The following MDFI variants were observed in gnomAD, a reference collection of about 807,000 sequenced individuals.
MDFI encodes the protein inhibitor of MyoD family a.
Under a neutral mutation model 22.3 loss-of-function variants are expected in MDFI, and 16 were observed. The ratio of observed to expected loss-of-function variants is 0.72; its 90% CI spans 0.49 to 1.09. The LOEUF (loss-of-function observed/expected upper bound fraction) is 1.09, where lower values mean the gene tolerates loss of function less well. Ranked by LOEUF, MDFI falls within the 50% of genes least tolerant of loss-of-function variation. MDFI has a pLI of 0.00. For missense variants in MDFI, 314 were observed against 326.1 expected, an observed-to-expected ratio of 0.96 and a Z score of 0.29; for synonymous variants, 145 against 142.7, an observed-to-expected ratio of 1.02 and a Z score of -0.12.
rs1767873402 is a variant in MDFI, at chr6:41,642,114, G to A, written c.76+3289G>A. 2.6e-5 allele frequency among the ~76,000 whole-genome samples: 4 copies of A among 152,320 alleles called. No homozygotes were observed. In the South Asian group the frequency reaches 8.3e-4, roughly 32 times the overall value. Reference sequence around the variant, plus strand: ...CCTTTGTAGATAGCCACCCTTGAGAGGAGGAGTACAGGGCTGGGGGCTTCT... The same window carrying A: ...CCTTTGTAGATAGCCACCCTTGAGAAGAGGAGTACAGGGCTGGGGGCTTCT... On this transcript the variant is annotated intron_variant, in intron 2 of 4. Coordinates refer to ENST00000230321, the MANE Select transcript of MDFI (RefSeq NM_005586.4).
At chr6:41,648,921 G>A (rs560686744) in intron 3 of MDFI, among the ~76,000 whole-genome samples, 2 of 152,318 alleles carry the variant, frequency 1.3e-5, no homozygotes, top group South Asian at 4.1e-4. Context: ...GGACCCGGGG[G>A]TCCTGGCTTC....
rs141360217 is a variant in MDFI, at chr6:41,651,435, C to T, written c.484+1592C>T. ...TTAAAAGACCAGAAGGAGGCTCCAG[C>T]CAGGAGAGCATGCGCACAGAGCTGA... On this transcript the variant is annotated intron_variant, in intron 4 of 4. Coordinates refer to ENST00000230321, the MANE Select transcript of MDFI (RefSeq NM_005586.4). Among the ~76,000 whole-genome samples, 415 of 141,806 alleles carry T rather than the reference C, an allele frequency of 2.9e-3. 41 individuals are homozygous for T. The highest frequency in any genetic ancestry group is 0.01 in the African/African-American group (386 of 37,042). The allele number at this position is 141,806 out of a possible 152,430, so 93.0% of individuals were successfully genotyped here.
At chr6:41,649,227 C>G (rs946761882) in intron 3 of MDFI, among the ~76,000 whole-genome samples, 1 of 152,220 alleles carries the variant, frequency 6.6e-6, no homozygotes, top group Non-Finnish European at 1.5e-5. Flanking sequence ...TTCACTGCTG[C>G]GCTCCCAACC....
intron 3 of MDFI, among the ~76,000 whole-genome samples, chr6:41,646,648 C>T (rs1254551738): frequency 6.6e-6 from 1 of 152,166 alleles, no homozygotes; most frequent in Non-Finnish European, 1.5e-5. Flanking sequence ...GCATCTCCAT[C>T]CTTCCGGGAA....
intron 2 of MDFI, among the ~76,000 whole-genome samples, chr6:41,641,747 G>T (rs1767860005): frequency 6.6e-6 from 1 of 152,190 alleles, no homozygotes; most frequent in African/African-American, 2.4e-5. Flanking sequence ...GTGGAGCTCT[G>T]GAACACAGGC....
chr6:41,645,543 CT>C (rs1421764309), intron 2 of MDFI, among the ~76,000 whole-genome samples: 1 of 152,136 alleles, frequency 6.6e-6, no homozygotes, highest in Non-Finnish European at 1.5e-5. Flanking sequence ...TCCCTCCGCG[CT>C]CTGTATCACA....
At chr6:41,639,949 G>A (rs1462533646) in intron 2 of MDFI, 1 of 982,722 alleles carries the variant, frequency 1.0e-6, no homozygotes, top group Non-Finnish European at 1.2e-6. Context: ...GGAGGTGGGG[G>A]GTCCTCTAAA....
rs757013379 is a variant in MDFI, at chr6:41,638,846, CGAAGCTGGACAGGGGCGGGT to C, written c.76+23_76+42del. On this transcript the variant is annotated intron_variant, in intron 2 of 4. Transcript: ENST00000230321. The surrounding 1 kb of genome is among the most constrained non-coding windows in gnomAD (Gnocchi z 7.6). ...CCCAGGTAGGACCGGGAGTGGCGAG[CGAAGCTGGACAGGGGCGGGT>C]GGGCGGCTGAAGGGGCCAGTTATTA... 1.3e-6 allele frequency: 2 copies of C among 1,538,588 alleles called. No individual in the cohort carries two copies. Among genetic ancestry groups the C allele is most frequent in the South Asian group, 2.4e-5 (2 of 84,064 alleles).
In MDFI at chr6:41,649,719, C is replaced by A; in HGVS notation, c.360C>A (p.Ala120=). ...GCACCAGACGGGCGGGGAATGGTGC[C>A]CTGGGTGGCCCCAAGGCCCACCGGA... The part of the protein sequence containing the change: ...LGGTRRAGNG[A]LGGPKAHRKL... The change falls in exon 4 of 5, where the codon GCC becomes GCA. Residue 120 remains alanine, a synonymous_variant. Coordinates refer to ENST00000230321, the MANE Select transcript of MDFI (RefSeq NM_005586.4). The A allele has an allele frequency of 6.2e-7, 1 of 1,614,080 alleles. No homozygotes were observed. The highest frequency in any genetic ancestry group is 8.5e-7 in the Non-Finnish European group (1 of 1,180,006).
chr6:41,652,983 T>G (rs1008895), intron 4 of MDFI, among the ~76,000 whole-genome samples: 129,693 of 152,140 alleles, frequency 0.85, 55,614 homozygotes, highest in East Asian at 0.95. Flanking sequence ...GCCTCATAGA[T>G]TCATTGGAGG....
At position 41,640,032 on chromosome 6, in the gene MDFI, ATC is replaced by A. The variant is rs1767792297; in HGVS notation, c.76+1209_76+1210del. On this transcript the variant is annotated intron_variant, in intron 2 of 4. Transcript: ENST00000230321. ...GATGAGGCCAGTGTGTCTACAGCCC[ATC>A]TTGGCCAAGCCTCAAATTGCCTGCT... The A allele has an allele frequency of 6.6e-6, 5 of 756,434 alleles. No individual in the cohort carries two copies. The South Asian group carries it at 2.4e-4, about 36-fold the overall frequency. 46.9% of individuals were successfully genotyped at this position (756,434 alleles called of 1,614,324 possible).
chr6:41,650,017 C>A (rs1768210608), intron 4 of MDFI, 174 bp downstream of exon 4: 7 of 627,878 alleles, frequency 1.1e-5, no homozygotes, highest in Non-Finnish European at 1.9e-5. Flanking sequence ...ACAAGCCCTG[C>A]AGGGAACCTG....
At position 41,653,408 on chromosome 6, in the gene MDFI, T is replaced by C. The variant is rs1019805366; in HGVS notation, c.574T>C (p.Cys192Arg). The part of the protein sequence containing the change: ...IVLDCATCGS[C>R]SSEDSCLCCC... ...CCTGGACTGCGCCACCTGTGGCTCC[T>C]GCAGCTCGGAGGACTCGTGCCTCTG... is the stretch of plus-strand genomic sequence containing the variant. The change falls in exon 5 of 5, where the codon TGC becomes CGC. Residue 192 changes from cysteine to arginine, a missense_variant. Physicochemically the swap from Cys to Arg is radical, Grantham distance 180. Coordinates refer to ENST00000230321, the MANE Select transcript of MDFI (RefSeq NM_005586.4). The surrounding 1 kb of genome is among the most constrained non-coding windows in gnomAD (Gnocchi z 4.2). 2 of 1,610,196 alleles carry C rather than the reference T, an allele frequency of 1.2e-6. No individual in the cohort carries two copies. Among genetic ancestry groups the C allele is most frequent in the South Asian group, 2.2e-5 (2 of 91,084 alleles).
Position 41,653,427 on chromosome 6 carries a change from G to T in MDFI, c.593G>T (p.Cys198Phe). Residue 198 changes from cysteine to phenylalanine, a missense_variant, in exon 5 of 5, where the codon TGC (cysteine) becomes TTC (phenylalanine). Cys to Phe is a radical substitution (Grantham distance 205, BLOSUM62 -2). Transcript: ENST00000230321. The surrounding 1 kb of genome is among the most constrained non-coding windows in gnomAD (Gnocchi z 4.2). The stretch of plus-strand genomic sequence containing the variant: ...GGCTCCTGCAGCTCGGAGGACTCGT[G>T]CCTCTGCTGCTGCTGCTGTGGCTCT... ...TCGSCSSEDSCLCCCCCGSGE... is the reference protein window; with the variant it reads ...TCGSCSSEDSFLCCCCCGSGE... The T allele has an allele frequency of 1.2e-6, 2 of 1,608,064 alleles. No individual in the cohort carries two copies. The highest frequency in any genetic ancestry group is 8.5e-7 in the Non-Finnish European group (1 of 1,179,964).
intron 3 of MDFI, among the ~76,000 whole-genome samples, chr6:41,648,912 G>T (rs1768155475): frequency 6.6e-6 from 1 of 152,198 alleles, no homozygotes; most frequent in African/African-American, 2.4e-5. Flanking sequence ...CTGCAATGGG[G>T]ACCCGGGGGT....
At chr6:41,649,549 T>C (rs1581840875) in intron 3 of MDFI, 70 bp from the exon 4 acceptor site, 1 of 1,379,436 alleles carries the variant, frequency 7.2e-7, no homozygotes, top group East Asian at 2.3e-5. Flanking sequence ...GCAGGCAGGA[T>C]TCGAGCATAG....
intron 2 of MDFI, chr6:41,639,740 A>G: frequency 1.0e-6 from 1 of 985,028 alleles, no homozygotes; most frequent in Non-Finnish European, 1.2e-6. Context: ...CACCAGCGCC[A>G]TTCCCCCTTT....
chr6:41,647,992 C>T (rs1369821466), intron 3 of MDFI, among the ~76,000 whole-genome samples: 6 of 137,160 alleles, frequency 4.4e-5, no homozygotes, highest in Non-Finnish European at 9.1e-5. Flanking sequence ...TGCAGGGAGC[C>T]GGGATTGCGC....
chr6:41,639,166 T>G, intron 2 of MDFI: 1 of 876,998 alleles, frequency 1.1e-6, no homozygotes, highest in Non-Finnish European at 1.4e-6. Context: ...TTCTGCCCAG[T>G]GTGTAAATAT....
Sources: allele counts gnomAD v4.1 joint callset (sites outside exome capture counted in the v4.1 genomes callset), GRCh38; gene constraint gnomAD v4.1.1; non-coding constraint Gnocchi (gnomAD v3.1); transcripts MANE v1.5; gene names NCBI Gene and HGNC (gene_info 2026-07-23, HGNC 2026-07-21).